Variants in PAPSS1 observed in about 807,000 individuals in gnomAD.
PAPSS1 encodes the protein bifunctional 3'-phosphoadenosine 5'-phosphosulfate synthase 1.
In PAPSS1, 50 loss-of-function variants were observed where a neutral mutation model predicts 72.0. The observed-to-expected ratio is 0.69, with a 90% CI of 0.55 to 0.88. The LOEUF (loss-of-function observed/expected upper bound fraction) is 0.88, where lower values mean the gene tolerates loss of function less well. PAPSS1 is among the 40% of genes least tolerant of loss of function. The pLI is 0.00. For synonymous variants in PAPSS1, 261 were observed against 263.6 expected, an observed-to-expected ratio of 0.99 and a Z score of 0.09; for missense variants, 657 against 782.2, an observed-to-expected ratio of 0.84 and a Z score of 1.91.
chr4:107,712,702 G>C (rs893344611), intron 1 of PAPSS1, among the ~76,000 whole-genome samples: 5 of 151,754 alleles, frequency 3.3e-5, no homozygotes, highest in African/African-American at 1.2e-4. Flanking sequence ...GTGAAACCCC[G>C]TCTCTGCTCA....
intron 11 of PAPSS1, among the ~76,000 whole-genome samples, chr4:107,623,299 T>C (rs1219521805): frequency 6.6e-6 from 1 of 152,198 alleles, no homozygotes; most frequent in Non-Finnish European, 1.5e-5. Context: ...TTCTTGCTTA[T>C]GGTGCTTTGT....
intron 11 of PAPSS1, among the ~76,000 whole-genome samples, chr4:107,628,067 A>C (rs116260834): frequency 0.037 from 5,682 of 152,296 alleles, 154 homozygotes; most frequent in Middle Eastern, 0.065. Context: ...CAGAAAATAT[A>C]AACTAGAATA....
At chr4:107,676,089 CA>C (rs1727636741) in intron 5 of PAPSS1, among the ~76,000 whole-genome samples, 1 of 152,098 alleles carries the variant, frequency 6.6e-6, no homozygotes, top group African/African-American at 2.4e-5. Flanking sequence ...ACTGAATGGG[CA>C]AAAACTGGAA....
chr4:107,660,030 A>G lies in PAPSS1; in HGVS notation c.712T>C (p.Tyr238His). The change falls in exon 6 of 12, where the codon TAT becomes CAT. Residue 238 changes from tyrosine (Y) to histidine (H), a missense_variant. Physicochemically the swap from Tyr to His is moderately conservative, Grantham distance 83. Coordinates refer to ENST00000265174, the MANE Select transcript of PAPSS1 (RefSeq NM_005443.5). ...AAATGAAGTTTATTTTCTGGCACAT[A>G]TAGTTCTTTTACTTCATAAGATGCA... Reference protein sequence around the residue: ...VDASYEVKELYVPENKLHLAK... With the variant: ...VDASYEVKELHVPENKLHLAK... 6.2e-7 allele frequency: 1 copy of G among 1,605,530 alleles called. No homozygotes were observed. Among genetic ancestry groups the G allele is most frequent in the Non-Finnish European group, 8.5e-7 (1 of 1,174,686 alleles).
At chr4:107,689,325 C>G (rs1701093920) in intron 3 of PAPSS1, among the ~76,000 whole-genome samples, 1 of 152,158 alleles carries the variant, frequency 6.6e-6, no homozygotes, top group African/African-American at 2.4e-5. Context: ...CAGGCTGTTT[C>G]TACCTTAGGC....
chr4:107,616,103 T>G (rs945211316), intron 11 of PAPSS1, among the ~76,000 whole-genome samples: 1 of 145,124 alleles, frequency 6.9e-6, no homozygotes, highest in South Asian at 2.2e-4. Context: ...AGAGAGAGTG[T>G]GTGTGCACAT....
At chr4:107,621,525 C>A (rs1487015159) in intron 11 of PAPSS1, among the ~76,000 whole-genome samples, 1 of 150,722 alleles carries the variant, frequency 6.6e-6, no homozygotes, top group African/African-American at 2.4e-5. Context: ...CCATTTACCC[C>A]TTATTCACCC....
intron 1 of PAPSS1, among the ~76,000 whole-genome samples, chr4:107,703,904 T>C (rs1723271476): frequency 1.3e-5 from 2 of 152,210 alleles, no homozygotes; most frequent in African/African-American, 4.8e-5. Flanking sequence ...GGAATTTTTA[T>C]AGGGATTGCA....
chr4:107,697,462 T>A (rs1723098202), intron 2 of PAPSS1, among the ~76,000 whole-genome samples: 1 of 152,166 alleles, frequency 6.6e-6, no homozygotes, highest in East Asian at 1.9e-4. Context: ...CAATTGAGCA[T>A]CAAGTATCAG....
Position 107,687,071 on chromosome 4 carries a change from A to T in PAPSS1, c.518T>A (p.Leu173His). Residue 173 changes from leucine to histidine, a missense_variant, in exon 4 of 12, where the codon CTC becomes CAC. Leu to His is a moderately conservative substitution (Grantham distance 99, BLOSUM62 -3). Around this residue, in one of 7 missense-constraint regions of PAPSS1, gnomAD observed 119 missense variants for 171.1 expected, o/e 0.70. Transcript: ENST00000265174. The stretch of plus-strand genomic sequence containing the variant: ...TTCTCCTGCCCGGGCTTTTTTGTAG[A>T]GTCCTTTGACATCCCTCTGTTCACA... ...HVCEQRDVKG[L>H]YKKARAGEIK... 6.3e-7 allele frequency: 1 copy of T among 1,597,242 alleles called. No homozygotes were observed. Among genetic ancestry groups the T allele is most frequent in the Non-Finnish European group, 8.5e-7 (1 of 1,174,468 alleles).
At chr4:107,684,380 T>C (rs1012353765) in intron 4 of PAPSS1, among the ~76,000 whole-genome samples, 1 of 152,164 alleles carries the variant, frequency 6.6e-6, no homozygotes, top group African/African-American at 2.4e-5. Context: ...AATCAAAATA[T>C]TTTCATCAAA....
intron 10 of PAPSS1, among the ~76,000 whole-genome samples, chr4:107,641,463 T>C (rs1385823049): frequency 6.6e-6 from 1 of 152,240 alleles, no homozygotes; most frequent in Admixed American, 6.5e-5. Flanking sequence ...ATTTCCTGAA[T>C]AAAGTTCTGT....
chr4:107,680,765 T>A (rs367991414), intron 5 of PAPSS1, among the ~76,000 whole-genome samples: 1 of 152,014 alleles, frequency 6.6e-6, no homozygotes, highest in East Asian at 1.9e-4. Context: ...AAGCTACAAG[T>A]AGAACAATAG....
intron 10 of PAPSS1, among the ~76,000 whole-genome samples, chr4:107,641,411 G>T (rs935893522): frequency 6.6e-6 from 1 of 152,072 alleles, no homozygotes; most frequent in African/African-American, 2.4e-5. Context: ...ATTCAGAGTT[G>T]AGCCCAGTTC....
At chr4:107,701,086 A>T in intron 2 of PAPSS1, 85 bp downstream of exon 2, 1 of 730,378 alleles carries the variant, frequency 1.4e-6, no homozygotes, top group Non-Finnish European at 2.3e-6. Flanking sequence ...AACAGAGCTC[A>T]AAATTTAAAT....
At chr4:107,623,784 T>G (rs56081213) in intron 11 of PAPSS1, among the ~76,000 whole-genome samples, 30,081 of 152,180 alleles carry the variant, frequency 0.2, 3,327 homozygotes, top group East Asian at 0.37. Flanking sequence ...TCAAGTTTGT[T>G]AGTTTTACCA....
chr4:107,719,756 C>A, intron 1 of PAPSS1: 13 of 1,068,428 alleles, frequency 1.2e-5, no homozygotes, highest in Non-Finnish European at 1.4e-5. Context: ...ATGCAGGAAG[C>A]TCCTGTTTCT....
intron 3 of PAPSS1, among the ~76,000 whole-genome samples, chr4:107,693,202 G>C (rs2110342392): frequency 6.6e-6 from 1 of 152,246 alleles, no homozygotes; most frequent in South Asian, 2.1e-4. Context: ...TCTATAACTG[G>C]AAGTCAGCTG....
Position 107,671,260 on chromosome 4 carries a change from G to GT in PAPSS1, c.669+10754dup, listed in dbSNP as rs892537497. 3.5e-3 allele frequency among the ~76,000 whole-genome samples: 498 copies of GT among 142,712 alleles called. 3 individuals are homozygous for GT. Among genetic ancestry groups the GT allele is most frequent in the African/African-American group, 8.5e-3 (332 of 39,242 alleles). 93.6% of individuals were successfully genotyped at this position (142,712 alleles called of 152,430 possible). A position where few individuals can be genotyped will look rare whatever the true frequency, so the allele number is the denominator to read the frequency against. On this transcript the variant is annotated intron_variant, in intron 5 of 11. Coordinates refer to ENST00000265174, the MANE Select transcript of PAPSS1 (RefSeq NM_005443.5). Reference sequence around the variant, plus strand: ...AGCTGCAAAATTTTCTCAAAATCAAGTTTTTTTTTTTCAAGAAAAACTTAA... The same window carrying GT: ...AGCTGCAAAATTTTCTCAAAATCAAGTTTTTTTTTTTTCAAGAAAAACTTAA...
Sources: gnomAD v4.1 joint callset for allele counts (sites outside exome capture counted in the v4.1 genomes callset) on GRCh38, gnomAD v4.1.1 for gene constraint, gnomAD v4.1.1 regional missense constraint, MANE v1.5 for transcripts, NCBI Gene and HGNC (gene_info 2026-07-23, HGNC 2026-07-21) for gene names.